The following VRK2 variants were observed in gnomAD, a reference collection of about 807,000 sequenced individuals.
VRK2 encodes the protein VRK serine/threonine kinase 2.
In VRK2, 60 loss-of-function variants were observed where a neutral mutation model predicts 57.6. The observed-to-expected ratio is 1.04, with a 90% confidence interval of 0.85 to 1.29. The LOEUF is 1.29. Among genes scored for constraint, VRK2 ranks in the 50% most tolerant of loss-of-function variants. The pLI is 0.00. For synonymous variants in VRK2, 231 were observed against 199.2 expected (o/e 1.16, Z -1.35); for missense variants, 705 against 588.1 (o/e 1.20, Z -2.06).
At chr2:58,053,161 A>G (rs553756364) in intron 2 of VRK2, among the ~76,000 whole-genome samples, 3 of 152,358 alleles carry the variant, frequency 2.0e-5, no homozygotes, top group Admixed American at 6.5e-5. Context: ...ACTGCAGATT[A>G]GTATCCTTAG....
intron 6 of VRK2, among the ~76,000 whole-genome samples, chr2:58,089,103 A>T (rs1672024415): frequency 6.6e-6 from 1 of 152,210 alleles, no homozygotes. Flanking sequence ...ATGTTTATTG[A>T]GTACTAAGTG....
intron 12 of VRK2, among the ~76,000 whole-genome samples, chr2:58,151,646 C>G (rs902282230): frequency 4.7e-5 from 7 of 147,816 alleles, no homozygotes; most frequent in African/African-American, 1.7e-4. Context: ...TCTTTTTGCC[C>G]CATTTGTTCT....
intron 8 of VRK2, among the ~76,000 whole-genome samples, chr2:58,125,029 A>T (rs1354839789): frequency 6.6e-6 from 1 of 152,172 alleles, no homozygotes; most frequent in East Asian, 1.9e-4. Context: ...TTATTCTGTT[A>T]CACCTAATAG....
intron 1 of VRK2, among the ~76,000 whole-genome samples, chr2:57,938,231 C>T (rs963284862): frequency 5.3e-5 from 8 of 152,200 alleles, no homozygotes; most frequent in African/African-American, 9.7e-5. Flanking sequence ...CTAGCACACA[C>T]TGCCTTCTCT....
chr2:58,046,996 C>T (rs1253407700), intron 1 of VRK2, 128 bp downstream of exon 1: 21 of 984,410 alleles, frequency 2.1e-5, no homozygotes, highest in Non-Finnish European at 2.2e-5. Context: ...CGTCCCAGCC[C>T]CCGGGCCTCA....
chr2:58,095,835 T>C (rs1378490934), intron 7 of VRK2, among the ~76,000 whole-genome samples: 3 of 152,144 alleles, frequency 2.0e-5, no homozygotes, highest in Admixed American at 6.5e-5. Context: ...CTTAATCTTA[T>C]TGGAAATGCC....
intron 7 of VRK2, among the ~76,000 whole-genome samples, chr2:58,108,000 G>A (rs1463975073): frequency 6.6e-6 from 1 of 151,986 alleles, no homozygotes; most frequent in East Asian, 1.9e-4. Flanking sequence ...GGCCCTTTAC[G>A]TCTTTCCATC....
intron 5 of VRK2, 58 bp from the exon 6 acceptor site, chr2:58,088,283 G>A: frequency 4.9e-6 from 6 of 1,222,506 alleles, no homozygotes; most frequent in Non-Finnish European, 7.1e-6. Context: ...AAATTAAATA[G>A]ACAGTTTCAA....
intron 2 of VRK2, among the ~76,000 whole-genome samples, chr2:58,075,307 A>C (rs1669938270): frequency 6.6e-6 from 1 of 152,026 alleles, no homozygotes. Context: ...ATGGACATCT[A>C]GGTTGATCTT....
intron 7 of VRK2, among the ~76,000 whole-genome samples, chr2:58,110,606 T>C (rs989268868): frequency 2.0e-5 from 3 of 152,056 alleles, no homozygotes; most frequent in African/African-American, 7.2e-5. Flanking sequence ...AAGAATGGGG[T>C]TCTTGGGGAG....
upstream of VRK2, chr2:57,907,638 T>G (rs370855713): frequency 6.6e-6 from 1 of 152,114 alleles, no homozygotes; most frequent in South Asian, 2.1e-4. Context: ...CATCCTAAAC[T>G]CCCTCCAACC....
intron 1 of VRK2, among the ~76,000 whole-genome samples, chr2:58,023,978 ATT>A (rs564635070): frequency 3.8e-4 from 53 of 140,792 alleles, no homozygotes; most frequent in African/African-American, 6.1e-4. Context: ...GTTGGTAAGA[ATT>A]TTTTTTTTTT....
chr2:57,928,066 T>C (rs1443412374), intron 1 of VRK2, among the ~76,000 whole-genome samples: 1 of 152,116 alleles, frequency 6.6e-6, no homozygotes, highest in East Asian at 1.9e-4. Flanking sequence ...ACTTTTGATG[T>C]CTTTCTCTAG....
At chr2:58,147,569 A>G (rs971569368) in intron 12 of VRK2, among the ~76,000 whole-genome samples, 8 of 151,864 alleles carry the variant, frequency 5.3e-5, no homozygotes, top group African/African-American at 1.9e-4. Context: ...CTGCGAAAAT[A>G]CTGATGCAAA....
intron 7 of VRK2, among the ~76,000 whole-genome samples, chr2:58,119,609 C>CT (rs1318026249): frequency 1.3e-4 from 20 of 151,410 alleles, no homozygotes; most frequent in Admixed American, 3.9e-4. Context: ...TTGACTTCTT[C>CT]TTATGTATAG....
At chr2:57,936,523 G>GTTTT (rs979256098) in intron 1 of VRK2, among the ~76,000 whole-genome samples, 2 of 145,362 alleles carry the variant, frequency 1.4e-5, no homozygotes, top group Non-Finnish European at 3.0e-5. Context: ...GTTTTGTTTT[G>GTTTT]TTTTTTTGTT....
At chr2:58,137,250 T>TA (rs1680665006) in intron 10 of VRK2, among the ~76,000 whole-genome samples, 1 of 104,114 alleles carries the variant, frequency 9.6e-6, no homozygotes, top group African/African-American at 3.8e-5. Flanking sequence ...ATCATATATA[T>TA]GATATATATG....
At chr2:57,990,829 C>T (rs909636692) in intron 1 of VRK2, among the ~76,000 whole-genome samples, 4 of 149,416 alleles carry the variant, frequency 2.7e-5, no homozygotes, top group African/African-American at 1.0e-4. Flanking sequence ...TCTTATTTTC[C>T]CATTATGATA....
chr2:58,137,178 A>ATATCATATATATCATATATATGATACATG (rs1558686739), intron 10 of VRK2, among the ~76,000 whole-genome samples: 6 of 79,880 alleles, frequency 7.5e-5, no homozygotes, highest in African/African-American at 2.7e-4. Context: ...TATATCATAT[A>ATATCATATATATCATATATATGATACATG]TATCATATAT....
Sources: allele counts gnomAD v4.1 joint callset (sites outside exome capture counted in the v4.1 genomes callset), GRCh38; gene constraint gnomAD v4.1.1; transcripts MANE v1.5; gene names NCBI Gene and HGNC (gene_info 2026-07-23, HGNC 2026-07-21).